The following MTR variants were observed in gnomAD, a reference collection of about 807,000 sequenced individuals.
MTR encodes 5-methyltetrahydrofolate-homocysteine methyltransferase.
A neutral mutation model predicts 154.8 loss-of-function variants in MTR; 84 were observed. The observed-to-expected ratio is 0.54, with a 90% CI of 0.45 to 0.65. The LOEUF (loss-of-function observed/expected upper bound fraction) is 0.65. Among genes scored for constraint, MTR ranks in the 30% least tolerant of loss-of-function variants. MTR has a pLI of 0.00. For synonymous variants in MTR, 554 were observed against 553.9 expected (o/e 1.00, Z 0.00); for missense variants, 1,275 against 1,570.2 (o/e 0.81, Z 3.18).
chr1:236,889,066 G>A lies in MTR; in HGVS notation c.2852-115G>A, dbSNP rs1666175391. 7 of 1,265,260 alleles carry A rather than the reference G, an allele frequency of 5.5e-6. No homozygotes were observed. The Admixed American group carries it at 8.4e-5, about 15-fold the overall frequency. The allele number at this position is 1,265,260 out of a possible 1,614,324, so 78.4% of individuals were successfully genotyped here. On this transcript the variant is annotated intron_variant, in intron 27 of 32. Transcript: ENST00000366577. Reference sequence around the variant, plus strand: ...CCTCTTTGTAAAACAACTCCTACGGGTGACAGGAGGGAGGCGGAGTGTGGG... The same window carrying A: ...CCTCTTTGTAAAACAACTCCTACGGATGACAGGAGGGAGGCGGAGTGTGGG...
intron 14 of MTR, among the ~76,000 whole-genome samples, chr1:236,837,484 A>C (rs986987937): frequency 2.0e-5 from 3 of 152,158 alleles, no homozygotes; most frequent in African/African-American, 7.2e-5. Context: ...TTATGTCATT[A>C]CTTGTTTAAT....
intron 29 of MTR, 72 bp from the exon 30 acceptor site, chr1:236,894,285 T>G: frequency 1.4e-6 from 2 of 1,441,568 alleles, no homozygotes; most frequent in Middle Eastern, 3.5e-4. Flanking sequence ...ACCCGATTGC[T>G]CTTCATGGTG....
intron 8 of MTR, among the ~76,000 whole-genome samples, chr1:236,817,886 G>C (rs905498799): frequency 6.6e-6 from 1 of 152,104 alleles, no homozygotes; most frequent in South Asian, 2.1e-4. Flanking sequence ...CTCCTTTACA[G>C]CTTATGAGTT....
chr1:236,797,295 T>C (rs1395754400), intron 1 of MTR, among the ~76,000 whole-genome samples: 1 of 152,232 alleles, frequency 6.6e-6, no homozygotes, highest in African/African-American at 2.4e-5. Context: ...GAAATTTTAA[T>C]GGAGAGCTGG....
At chr1:236,884,228 G>A (rs1017226173) in intron 25 of MTR, among the ~76,000 whole-genome samples, 2 of 152,206 alleles carry the variant, frequency 1.3e-5, no homozygotes, top group African/African-American at 4.8e-5. Context: ...CACTGGGCTA[G>A]GCACCAGGGG....
intron 15 of MTR, among the ~76,000 whole-genome samples, chr1:236,841,251 G>A (rs911805574): frequency 1.3e-5 from 2 of 152,092 alleles, no homozygotes; most frequent in African/African-American, 4.8e-5. Context: ...TCCCAATATA[G>A]TTCATTTTAG....
At chr1:236,834,946 T>C (rs918076715) in intron 13 of MTR, among the ~76,000 whole-genome samples, 5 of 152,356 alleles carry the variant, frequency 3.3e-5, no homozygotes, top group African/African-American at 1.2e-4. Flanking sequence ...AAAAACCTGC[T>C]GAAATTTATT....
intron 16 of MTR, among the ~76,000 whole-genome samples, chr1:236,851,375 C>CTAG (rs1240533338): frequency 6.6e-6 from 1 of 152,152 alleles, no homozygotes; most frequent in Non-Finnish European, 1.5e-5. Context: ...CTAGTGCTGT[C>CTAG]TAGTGTTCTA....
At chr1:236,892,805 C>T (rs114038497) in intron 29 of MTR, among the ~76,000 whole-genome samples, 64 of 152,306 alleles carry the variant, frequency 4.2e-4, no homozygotes, top group Non-Finnish European at 5.9e-4. Context: ...TGCTCTAGCC[C>T]AGTCTTTCAT....
chr1:236,876,725 T>G (rs910575700), intron 24 of MTR, among the ~76,000 whole-genome samples: 4 of 152,022 alleles, frequency 2.6e-5, no homozygotes, highest in African/African-American at 7.2e-5. Flanking sequence ...AAAAAAACAT[T>G]GAGAAGCAAC....
At position 236,852,596 on chromosome 1, in the gene MTR, C is replaced by T. The variant is rs777459947; in HGVS notation, c.1771C>T (p.Arg591Ter). The T allele has an allele frequency of 3.1e-6, 5 of 1,613,842 alleles. No individual in the cohort carries two copies. Among genetic ancestry groups the T allele is most frequent in the East Asian group, 4.5e-5 (2 of 44,884 alleles). Residue 591 changes from arginine (R) to a stop codon, truncating the protein, a stop_gained, in exon 17 of 33, where the codon CGA (arginine) becomes TGA (stop). Transcript: ENST00000366577. LOFTEE classifies it high-confidence loss of function. ...SFSFRGMEAI[R>*]EAMHGVFLYH... ...CTCCTTCCGAGGAATGGAAGCCATT[C>T]GAGAAGCAATGCATGGGGTTTTCCT...
intron 12 of MTR, among the ~76,000 whole-genome samples, chr1:236,829,730 A>G (rs1223447198): frequency 3.3e-5 from 5 of 152,196 alleles, no homozygotes; most frequent in Non-Finnish European, 4.4e-5. Context: ...AGGACTTTAC[A>G]AAGACTTGTG....
Position 236,861,348 on chromosome 1 carries a change from G to A in MTR, c.2196+71G>A, listed in dbSNP as rs914444609. On this transcript the variant is annotated intron_variant, in intron 20 of 32. Transcript: ENST00000366577. ...TGTCATTTAATAAATGGCGATTTGGGATATATTTCTCAGGTTTTAATTTGG... is the reference window on the plus strand; with the variant it reads ...TGTCATTTAATAAATGGCGATTTGGAATATATTTCTCAGGTTTTAATTTGG... 727 of 1,602,006 alleles carry A rather than the reference G, an allele frequency of 4.5e-4. 2 individuals carry two copies. Among genetic ancestry groups the A allele is most frequent in the Non-Finnish European group, 5.6e-4 (653 of 1,171,568 alleles).
At chr1:236,847,804 A>G (rs1160080404) in intron 15 of MTR, among the ~76,000 whole-genome samples, 2 of 152,230 alleles carry the variant, frequency 1.3e-5, no homozygotes, top group Admixed American at 6.5e-5. Context: ...GTAATGTGCA[A>G]CCAGAGTTGA....
intron 29 of MTR, among the ~76,000 whole-genome samples, chr1:236,893,053 T>G (rs1465589743): frequency 6.6e-6 from 1 of 152,196 alleles, no homozygotes; most frequent in Non-Finnish European, 1.5e-5. Context: ...CTTATTACTC[T>G]GGGAGTCTGC....
Position 236,810,532 on chromosome 1 carries a change from G to C in MTR, c.439G>C (p.Gly147Arg). Residue 147 changes from glycine to arginine, a missense_variant, in exon 5 of 33, where the codon GGT (glycine) becomes CGT (arginine). Gly to Arg is a moderately radical substitution (Grantham distance 125). Coordinates refer to ENST00000366577, the MANE Select transcript of MTR (RefSeq NM_000254.3). ...GIKRFVAGAL[G>R]PTNKTLSVSP... ...TAAGAGGTTTGTGGCAGGGGCTCTGGGTCCGACTAATAAGACACTCTCTGT... is the reference window on the plus strand; with the variant it reads ...TAAGAGGTTTGTGGCAGGGGCTCTGCGTCCGACTAATAAGACACTCTCTGT... 6.2e-7 allele frequency: 1 copy of C among 1,613,798 alleles called. No individual in the cohort carries two copies. The highest frequency in any genetic ancestry group is 8.5e-7 in the Non-Finnish European group (1 of 1,179,808).
chr1:236,836,495 C>G (rs1662915647), intron 14 of MTR, among the ~76,000 whole-genome samples: 1 of 152,158 alleles, frequency 6.6e-6, no homozygotes, highest in South Asian at 2.1e-4. Context: ...CTTGGCTTCC[C>G]AAAGTGGTAG....
In MTR at chr1:236,795,325, C is replaced by G; in HGVS notation, c.-379C>G. On this transcript the variant is annotated 5_prime_UTR_variant, in exon 1 of 33. Transcript: ENST00000366577. ...CCGCGCTCTGAAAGGTTCTAAATGT[C>G]TGCGGGGCTCAGAGCCGGATGTCAC... 7.8e-7 allele frequency: 1 copy of G among 1,279,264 alleles called. No homozygotes were observed. The highest frequency in any genetic ancestry group is 1.3e-5 in the South Asian group (1 of 74,348). The allele number at this position is 1,279,264 out of a possible 1,614,324, so 79.2% of individuals were successfully genotyped here.
intron 13 of MTR, among the ~76,000 whole-genome samples, chr1:236,835,081 T>G (rs965768920): frequency 6.6e-6 from 1 of 152,148 alleles, no homozygotes; most frequent in African/African-American, 2.4e-5. Flanking sequence ...ATGGTTTCTC[T>G]AAGGACTTTT....
Sources: allele counts gnomAD v4.1 joint callset (sites outside exome capture counted in the v4.1 genomes callset), GRCh38; gene constraint gnomAD v4.1.1; transcripts MANE v1.5; gene names NCBI Gene and HGNC (gene_info 2026-07-23, HGNC 2026-07-21).